The following FAM161B variants were observed in gnomAD, a reference collection of about 807,000 sequenced individuals.
FAM161B encodes FAM161 centrosomal protein B.
A neutral mutation model predicts 61.5 loss-of-function variants in FAM161B; 46 were observed. The observed-to-expected ratio is 0.75, with a 90% CI of 0.59 to 0.96. FAM161B has a LOEUF of 0.96. Ranked by LOEUF, FAM161B falls within the 40% of genes least tolerant of loss-of-function variation. FAM161B has a pLI of 0.00. For synonymous variants in FAM161B, 284 were observed against 302.7 expected (o/e 0.94, Z 0.64); for missense variants, 774 against 800.7 (o/e 0.97, Z 0.40).
chr14:73,935,561 G>A lies in FAM161B; in HGVS notation c.1805+388C>T, dbSNP rs1264728204. Among the ~76,000 whole-genome samples the A allele has an allele frequency of 2.0e-5, 3 of 151,672 alleles. No individual in the cohort carries two copies. In the East Asian group the frequency reaches 5.8e-4, roughly 29 times the overall value. ...AAATACAAAAAATAAAAAAAAAAAG[G>A]TTATGGAGAAGGTGATACTAATGAG... On this transcript the variant is annotated intron_variant, in intron 8 of 8. Transcript: ENST00000286544.
chr14:73,941,834 T>C lies in FAM161B; in HGVS notation c.1272+535A>G, dbSNP rs143998811. On this transcript the variant is annotated intron_variant, in intron 4 of 8. Coordinates refer to ENST00000286544, the MANE Select transcript of FAM161B (RefSeq NM_152445.3). Reference sequence around the variant, plus strand: ...AATTCTCCTACCTCAGCCTCTGAAGTAGCTGGGATTACAGGTGCCCGCCAC... The same window carrying C: ...AATTCTCCTACCTCAGCCTCTGAAGCAGCTGGGATTACAGGTGCCCGCCAC... Among the ~76,000 whole-genome samples, 11 of 152,294 alleles carry C rather than the reference T, an allele frequency of 7.2e-5. No homozygotes were observed. In the East Asian group the frequency reaches 2.1e-3, roughly 29 times the overall value.
At chr14:73,926,879 C>T (rs1011750304), downstream of FAM161B, among the ~76,000 whole-genome samples, 13 of 152,116 alleles carry the variant, frequency 8.5e-5, no homozygotes, top group African/African-American at 2.7e-4. Flanking sequence ...TTCAATTTTT[C>T]CCCCTTGGCA....
rs1222987904 is a variant in FAM161B, at chr14:73,946,655, A to G, written c.55-50T>C. On this transcript the variant is annotated intron_variant, in intron 1 of 8. Transcript: ENST00000286544. ...TGGGTCAAACAATAATTTCAAAGGT[A>G]TTCAAATCATAACTTAATTTCGCTT... The G allele has an allele frequency of 1.9e-6, 3 of 1,559,182 alleles. No homozygotes were observed. In the African/African-American group the frequency reaches 4.1e-5, roughly 21 times the overall value.
At position 73,932,707 on chromosome 14, in the gene FAM161B, C is replaced by T; in HGVS notation, c.*1549G>A. The T allele has an allele frequency of 3.0e-6, 1 of 333,826 alleles. No homozygotes were observed. The highest frequency in any genetic ancestry group is 2.4e-5 in the South Asian group (1 of 41,492). 20.7% of individuals were successfully genotyped at this position (333,826 alleles called of 1,614,324 possible). The stretch of plus-strand genomic sequence containing the variant: ...TAGTGTAATCATAGCTCAATGTAAC[C>T]TTGAACTCCTACGCTCAAGGCATCC... On this transcript the variant is annotated 3_prime_UTR_variant, in exon 9 of 9. Coordinates refer to ENST00000286544, the MANE Select transcript of FAM161B (RefSeq NM_152445.3).
chr14:73,927,277 C>G, downstream of FAM161B: 1 of 187,642 alleles, frequency 5.3e-6, no homozygotes, highest in Non-Finnish European at 1.2e-5. Context: ...CGGGGTTTCA[C>G]CATGTTGGCT....
the FAM161B span, chr14:73,923,262 A>T: frequency 9.6e-7 from 1 of 1,044,634 alleles, no homozygotes; most frequent in Non-Finnish European, 1.3e-6. Flanking sequence ...AGACAGGATT[A>T]ACTTGGAAGA....
At chr14:73,941,089 A>G in intron 4 of FAM161B, 36 bp from the exon 5 acceptor site, 2 of 1,495,986 alleles carry the variant, frequency 1.3e-6, no homozygotes, top group Non-Finnish European at 1.8e-6. Flanking sequence ...GTGGGACAGC[A>G]TGTGTGATTA....
chr14:73,935,085 T>C (rs889147478), intron 8 of FAM161B, among the ~76,000 whole-genome samples: 6 of 151,160 alleles, frequency 4.0e-5, no homozygotes, highest in Admixed American at 3.3e-4. Context: ...TCAACATTAT[T>C]ACTATTTTAT....
At chr14:73,944,128 G>A (rs540941288) in intron 3 of FAM161B, among the ~76,000 whole-genome samples, 1 of 152,124 alleles carries the variant, frequency 6.6e-6, no homozygotes, top group Non-Finnish European at 1.5e-5. Flanking sequence ...GACACTGTGG[G>A]ACCTCTCACT....
intron 1 of FAM161B, among the ~76,000 whole-genome samples, chr14:73,948,247 G>A (rs1250864050): frequency 6.6e-6 from 1 of 152,226 alleles, no homozygotes; most frequent in Non-Finnish European, 1.5e-5. Flanking sequence ...TATTCAAAAG[G>A]TGAGAAGAAT....
downstream of FAM161B, chr14:73,927,960 C>G (rs1192770095): frequency 5.8e-6 from 1 of 172,292 alleles, no homozygotes; most frequent in Non-Finnish European, 1.3e-5. Flanking sequence ...GTCTCAGACT[C>G]CTGAGTAGCT....
Position 73,936,061 on chromosome 14 carries a change from A to G in FAM161B, c.1693T>C (p.Trp565Arg). 1 of 1,612,238 alleles carries G rather than the reference A, an allele frequency of 6.2e-7. No homozygotes were observed. The highest frequency in any genetic ancestry group is 1.1e-5 in the South Asian group (1 of 90,712). ...KDLAKKEAEQ[W>R]YLDTLKQAGL... Reference sequence around the variant, plus strand: ...GCCTGCTTCAGGGTGTCTAGATACCACTGTTCTGCTTCTTTCTTGGCTAGA... The same window carrying G: ...GCCTGCTTCAGGGTGTCTAGATACCGCTGTTCTGCTTCTTTCTTGGCTAGA... The change falls in exon 8 of 9, where the codon TGG becomes CGG. Residue 565 changes from tryptophan (W) to arginine (R), a missense_variant. Transcript: ENST00000286544.
chr14:73,934,083 A>C lies in FAM161B; in HGVS notation c.*173T>G. On this transcript the variant is annotated 3_prime_UTR_variant, in exon 9 of 9. Transcript: ENST00000286544. ...ATGATCTGCCTGCCTCAGCCTCCCA[A>C]AGTGTTGGGATTACAGGCGTGAGCC... The C allele has an allele frequency of 1.5e-6, 1 of 681,108 alleles. No individual in the cohort carries two copies. Among genetic ancestry groups the C allele is most frequent in the Non-Finnish European group, 2.3e-6 (1 of 435,632 alleles). The allele number at this position is 681,108 out of a possible 1,614,324, so 42.2% of individuals were successfully genotyped here. A position where few individuals can be genotyped will look rare whatever the true frequency, so the allele number is the denominator to read the frequency against.
At chr14:73,948,601 C>A (rs1208312590) in intron 1 of FAM161B, among the ~76,000 whole-genome samples, 1 of 152,180 alleles carries the variant, frequency 6.6e-6, no homozygotes, top group Non-Finnish European at 1.5e-5. Flanking sequence ...TTTATTAAGA[C>A]ATAATTTCTA....
chr14:73,936,188 C>T, intron 7 of FAM161B, 100 bp from the exon 8 acceptor site: 1 of 1,319,940 alleles, frequency 7.6e-7, no homozygotes, highest in East Asian at 2.5e-5. Flanking sequence ...CAACCACCAC[C>T]ACCCTTATTG....
Position 73,938,065 on chromosome 14 carries a change from A to G in FAM161B, c.1448T>C (p.Leu483Pro), listed in dbSNP as rs1470948810. 4 of 1,614,044 alleles carry G rather than the reference A, an allele frequency of 2.5e-6. No homozygotes were observed. The Admixed American group carries it at 5.0e-5, about 20-fold the overall frequency. The change falls in exon 6 of 9, where the codon CTG (leucine) becomes CCG (proline). Residue 483 changes from leucine to proline, a missense_variant. Leu to Pro is a moderately conservative substitution (Grantham distance 98). Coordinates refer to ENST00000286544, the MANE Select transcript of FAM161B (RefSeq NM_152445.3). ...TTGAGACTTCTTTTTGTGTATCTCC[A>G]GCCACTGAATACTCTCATCTGCTTT... is the stretch of plus-strand genomic sequence containing the variant. ...KNKADESIQWLEIHKKKSQAM... is the reference protein window; with the variant it reads ...KNKADESIQWPEIHKKKSQAM...
chr14:73,934,863 A>G (rs2055957832), intron 8 of FAM161B, among the ~76,000 whole-genome samples: 1 of 152,068 alleles, frequency 6.6e-6, no homozygotes, highest in Non-Finnish European at 1.5e-5. Context: ...CCTGGCCAAC[A>G]TGGTGAAACC....
At chr14:73,940,400 A>G (rs998768463) in intron 5 of FAM161B, among the ~76,000 whole-genome samples, 1 of 152,138 alleles carries the variant, frequency 6.6e-6, no homozygotes, top group Non-Finnish European at 1.5e-5. Context: ...GCTTCTCTGA[A>G]TTCTTGTTCC....
chr14:73,938,187 G>T, intron 5 of FAM161B, 75 bp from the exon 6 acceptor site: 2 of 1,549,696 alleles, frequency 1.3e-6, no homozygotes, highest in Non-Finnish European at 1.8e-6. Flanking sequence ...GGCCAGGTGT[G>T]GTGGCTCACA....
Sources: allele counts gnomAD v4.1 joint callset (sites outside exome capture counted in the v4.1 genomes callset), GRCh38; gene constraint gnomAD v4.1.1; transcripts MANE v1.5; gene names NCBI Gene and HGNC (gene_info 2026-07-23, HGNC 2026-07-21).